The following MCC variants were observed in gnomAD, a reference collection of about 807,000 sequenced individuals.
The protein encoded by MCC is colorectal mutant cancer protein.
In MCC, 90 loss-of-function variants were observed where a neutral mutation model predicts 116.2. That is an observed-to-expected ratio of 0.77 (90% CI 0.65 to 0.92). MCC has a LOEUF of 0.92. Ranked by LOEUF, MCC falls within the 40% of genes least tolerant of loss-of-function variation. The pLI is 0.00. For missense variants in MCC, 1,516 were observed against 1,312.2 expected (o/e 1.16, Z -2.40); for synonymous variants, 578 against 510.5 (o/e 1.13, Z -1.78).
chr5:113,044,050 T>C (rs1336249629), intron 16 of MCC, among the ~76,000 whole-genome samples: 1 of 152,206 alleles, frequency 6.6e-6, no homozygotes, highest in Non-Finnish European at 1.5e-5. Flanking sequence ...GAACCAGGAT[T>C]CAAACCCAAG....
chr5:113,434,507 G>A lies in MCC; in HGVS notation c.171-49295C>T, dbSNP rs932837732. On this transcript the variant is annotated intron_variant, in intron 1 of 18. Coordinates refer to ENST00000408903, the MANE Select transcript of MCC (RefSeq NM_001085377.2). The surrounding 1 kb of genome is among the most constrained non-coding windows in gnomAD (Gnocchi z 4.2). ...GCTGGTGGAACTTCTTGCGAGCTTCGTCCTCATGCAGGGCTCCCCGGGTTT... is the reference window on the plus strand; with the variant it reads ...GCTGGTGGAACTTCTTGCGAGCTTCATCCTCATGCAGGGCTCCCCGGGTTT... 6.8e-6 allele frequency: 11 copies of A among 1,612,878 alleles called. No homozygotes were observed. The highest frequency in any genetic ancestry group is 4.4e-5 in the South Asian group (4 of 91,048).
intron 3 of MCC, among the ~76,000 whole-genome samples, chr5:113,247,017 C>T (rs7724917): frequency 0.48 from 72,376 of 152,008 alleles, 21,939 homozygotes; most frequent in African/African-American, 0.86. Context: ...GTCCACTGTT[C>T]GGTCCATTTC....
intron 3 of MCC, among the ~76,000 whole-genome samples, chr5:113,308,430 A>T (rs1014116460): frequency 6.6e-6 from 1 of 152,194 alleles, no homozygotes; most frequent in African/African-American, 2.4e-5. Flanking sequence ...TTGGTACATG[A>T]CTACTGCCCC....
rs562541437 is a variant in MCC, at chr5:113,083,724, C to T, written c.1635+377G>A. ...CAACATTCCTCCTCAGTGGAAAGCA[C>T]ATCCCCTTTCAAGATGGATGTGCAA... On this transcript the variant is annotated intron_variant, in intron 10 of 18. Transcript: ENST00000408903. Among the ~76,000 whole-genome samples the T allele has an allele frequency of 6.6e-5, 10 of 152,298 alleles. No homozygotes were observed. In the South Asian group the frequency reaches 2.1e-3, roughly 32 times the overall value.
chr5:113,184,087 T>G (rs535806980), intron 3 of MCC, among the ~76,000 whole-genome samples: 13 of 152,336 alleles, frequency 8.5e-5, no homozygotes, highest in African/African-American at 3.1e-4. Flanking sequence ...ATTTTTAAAG[T>G]GATCTCAAAA....
At chr5:113,158,933 G>C (rs1040988206) in intron 3 of MCC, among the ~76,000 whole-genome samples, 2 of 152,146 alleles carry the variant, frequency 1.3e-5, no homozygotes, top group Non-Finnish European at 2.9e-5. Flanking sequence ...GTCCATGTAT[G>C]TGTGTGTGGA....
At chr5:113,245,239 C>G (rs1764528264) in intron 3 of MCC, among the ~76,000 whole-genome samples, 1 of 150,466 alleles carries the variant, frequency 6.6e-6, no homozygotes, top group Non-Finnish European at 1.5e-5. Context: ...TTGCAGTAAG[C>G]CAAGATCGCA....
At chr5:113,092,699 G>C (rs1176982775) in intron 8 of MCC, among the ~76,000 whole-genome samples, 5 of 152,170 alleles carry the variant, frequency 3.3e-5, no homozygotes, top group African/African-American at 1.2e-4. Context: ...AAGAAACAAT[G>C]AAAGTACAAG....
intron 1 of MCC, among the ~76,000 whole-genome samples, chr5:113,451,760 G>A (rs1336943010): frequency 6.6e-6 from 1 of 152,146 alleles, no homozygotes; most frequent in African/African-American, 2.4e-5. Flanking sequence ...GAAAAACTGA[G>A]GCTTGGAATA....
chr5:113,292,989 C>T (rs1160594580), intron 3 of MCC, among the ~76,000 whole-genome samples: 1 of 152,194 alleles, frequency 6.6e-6, no homozygotes, highest in African/African-American at 2.4e-5. Flanking sequence ...TTTAAGTTCT[C>T]ACTCTCAGCA....
chr5:113,179,442 T>C lies in MCC; in HGVS notation c.628-28020A>G, dbSNP rs188704698. Reference sequence around the variant, plus strand: ...TCAGGCAGTGCTCAGTACTCTGAAGTGACTGGCTCTGCTTTCCTCATAGAG... The same window carrying C: ...TCAGGCAGTGCTCAGTACTCTGAAGCGACTGGCTCTGCTTTCCTCATAGAG... On this transcript the variant is annotated intron_variant, in intron 3 of 18. Transcript: ENST00000408903. 1.7e-3 allele frequency among the ~76,000 whole-genome samples: 253 copies of C among 152,328 alleles called. 1 individual carries two copies. Among genetic ancestry groups the C allele is most frequent in the African/African-American group, 5.9e-3 (244 of 41,574 alleles).
chr5:113,448,979 G>A (rs1229969053), intron 1 of MCC, among the ~76,000 whole-genome samples: 1 of 151,944 alleles, frequency 6.6e-6, no homozygotes, highest in Non-Finnish European at 1.5e-5. Flanking sequence ...CATGAATCAG[G>A]TAAAAGTTAA....
At chr5:113,207,406 G>A (rs1003948495) in intron 3 of MCC, among the ~76,000 whole-genome samples, 4 of 129,872 alleles carry the variant, frequency 3.1e-5, no homozygotes, top group African/African-American at 1.1e-4. Context: ...AGAGACACAT[G>A]AAGGCTATTA....
chr5:113,137,402 T>A (rs564490290), intron 5 of MCC, among the ~76,000 whole-genome samples: 1 of 152,340 alleles, frequency 6.6e-6, no homozygotes, highest in Admixed American at 6.5e-5. Context: ...TTAGGGTTTT[T>A]ATCATAAAGG....
chr5:113,337,946 G>A (rs1290329918), intron 3 of MCC, among the ~76,000 whole-genome samples: 1 of 152,034 alleles, frequency 6.6e-6, no homozygotes, highest in African/African-American at 2.4e-5. Flanking sequence ...ACAAACTACC[G>A]CAAACACAAT....
At chr5:113,091,653 G>A (rs1448178827) in intron 8 of MCC, among the ~76,000 whole-genome samples, 1 of 152,142 alleles carries the variant, frequency 6.6e-6, no homozygotes, top group African/African-American at 2.4e-5. Context: ...AGGCCAAGGT[G>A]GGAAGGTTGC....
intron 3 of MCC, among the ~76,000 whole-genome samples, chr5:113,165,528 G>A (rs1760721361): frequency 6.6e-6 from 1 of 152,114 alleles, no homozygotes; most frequent in Non-Finnish European, 1.5e-5. Flanking sequence ...GATAGCTAAG[G>A]ACAATGCAAG....
At chr5:113,230,075 C>G (rs2150333859) in intron 3 of MCC, among the ~76,000 whole-genome samples, 1 of 152,302 alleles carries the variant, frequency 6.6e-6, no homozygotes, top group Non-Finnish European at 1.5e-5. Flanking sequence ...TCTCAGTCCC[C>G]AGTCAAGAAG....
At chr5:113,185,153 T>C (rs1442738205) in intron 3 of MCC, among the ~76,000 whole-genome samples, 1 of 151,978 alleles carries the variant, frequency 6.6e-6, no homozygotes, top group Non-Finnish European at 1.5e-5. Context: ...GCATAAGGGG[T>C]TGAATTCATC....
Sources: gnomAD v4.1 joint callset for allele counts (sites outside exome capture counted in the v4.1 genomes callset) on GRCh38, gnomAD v4.1.1 for gene constraint, Gnocchi (gnomAD v3.1) non-coding constraint, MANE v1.5 for transcripts, NCBI Gene and HGNC (gene_info 2026-07-23, HGNC 2026-07-21) for gene names.